IL12RB2: variants seen among roughly 807,000 people sequenced by gnomAD.
IL12RB2 encodes the protein interleukin 12 receptor subunit beta 2.
A neutral mutation model predicts 89.4 loss-of-function variants in IL12RB2; 82 were observed. That is an observed-to-expected ratio of 0.92 (90% CI 0.77 to 1.10). The LOEUF (loss-of-function observed/expected upper bound fraction) is 1.10. Among genes scored for constraint, IL12RB2 ranks in the 50% least tolerant of loss-of-function variants. The probability of loss-of-function intolerance (pLI) is 0.00; values close to 1 mark genes in which losing one functional copy is unlikely to be tolerated. For synonymous variants in IL12RB2, 368 were observed against 370.1 expected (o/e 0.99, Z 0.07); for missense variants, 963 against 1,031.9 (o/e 0.93, Z 0.92).
intron 14 of IL12RB2, among the ~76,000 whole-genome samples, chr1:67,380,480 C>G (rs1664457868): frequency 6.6e-6 from 1 of 152,222 alleles, no homozygotes; most frequent in Non-Finnish European, 1.5e-5. Flanking sequence ...TGGCGGCCAG[C>G]ACACAGTACT....
At chr1:67,346,498 C>T (rs538795784) in intron 9 of IL12RB2, among the ~76,000 whole-genome samples, 3 of 151,052 alleles carry the variant, frequency 2.0e-5, no homozygotes, top group East Asian at 2.0e-4. Context: ...GCAATTCTCC[C>T]ACCTCAGCCT....
At chr1:67,336,670 G>A (rs1297468634) in intron 8 of IL12RB2, among the ~76,000 whole-genome samples, 1 of 152,210 alleles carries the variant, frequency 6.6e-6, no homozygotes, top group Non-Finnish European at 1.5e-5. Flanking sequence ...GGAGAGGATA[G>A]AACAAAAAGA....
chr1:67,359,325 A>T (rs1661726176), intron 10 of IL12RB2, among the ~76,000 whole-genome samples: 1 of 152,236 alleles, frequency 6.6e-6, no homozygotes, highest in Non-Finnish European at 1.5e-5. Flanking sequence ...CTTTGGTATT[A>T]AAATCAGATA....
chr1:67,341,004 A>G (rs897162735), intron 9 of IL12RB2, among the ~76,000 whole-genome samples: 6 of 152,210 alleles, frequency 3.9e-5, no homozygotes, highest in African/African-American at 1.4e-4. Flanking sequence ...TAGTCTGCCC[A>G]TGCCATGGTT....
intron 1 of IL12RB2, among the ~76,000 whole-genome samples, chr1:67,312,209 C>T (rs1655158583): frequency 6.6e-6 from 1 of 152,186 alleles, no homozygotes; most frequent in South Asian, 2.1e-4. Flanking sequence ...TCCAGCACAT[C>T]ATCCTTCCCA....
At chr1:67,326,683 G>T (rs1274503650) in intron 4 of IL12RB2, 52 bp from the exon 5 acceptor site, 5 of 1,597,080 alleles carry the variant, frequency 3.1e-6, no homozygotes, top group Admixed American at 1.7e-5. Flanking sequence ...ATAACAATTC[G>T]GTTGAAATAT....
chr1:67,344,206 C>T (rs1404530809), intron 9 of IL12RB2, among the ~76,000 whole-genome samples: 1 of 152,142 alleles, frequency 6.6e-6, no homozygotes, highest in Non-Finnish European at 1.5e-5. Context: ...TATAAGCAAG[C>T]CACAAATGGG....
At chr1:67,333,535 G>A (rs1269236347) in intron 8 of IL12RB2, among the ~76,000 whole-genome samples, 1 of 152,054 alleles carries the variant, frequency 6.6e-6, no homozygotes, top group Non-Finnish European at 1.5e-5. Context: ...CATTTGAACA[G>A]TGGGTTAGGG....
rs946710452 is a variant in IL12RB2 at position 67,367,925 on chromosome 1, G to A, written c.1359G>A (p.Glu453=). Residue 453 remains glutamate (E), a synonymous_variant, in exon 11 of 17, where the codon GAG becomes GAA. Coordinates refer to ENST00000674203, the MANE Select transcript of IL12RB2 (RefSeq NM_001374259.2). ...PPRKDPSAVQ[E]YVVEWRELHP... Reference sequence around the variant, plus strand: ...GGAAAGATCCCTCTGCTGTTCAGGAGTACGTGGTGGAATGGAGAGAGCTCC... The same window carrying A: ...GGAAAGATCCCTCTGCTGTTCAGGAATACGTGGTGGAATGGAGAGAGCTCC... 1.2e-6 allele frequency: 2 copies of A among 1,607,384 alleles called. No individual in the cohort carries two copies. The highest frequency in any genetic ancestry group is 1.7e-6 in the Non-Finnish European group (2 of 1,173,826).
intron 2 of IL12RB2, among the ~76,000 whole-genome samples, chr1:67,318,657 T>C (rs1324828769): frequency 2.0e-5 from 3 of 152,076 alleles, no homozygotes; most frequent in Non-Finnish European, 4.4e-5. Context: ...TTCGCTGAGA[T>C]AGAAAAGGCT....
At chr1:67,320,579 G>A in intron 3 of IL12RB2, 135 bp downstream of exon 3, 1 of 1,443,524 alleles carries the variant, frequency 6.9e-7, no homozygotes, top group Non-Finnish European at 9.4e-7. Context: ...AAGTGGATAA[G>A]TCTGGTTCTG....
chr1:67,381,872 G>A (rs1664630869), intron 14 of IL12RB2, among the ~76,000 whole-genome samples: 1 of 151,934 alleles, frequency 6.6e-6, no homozygotes, highest in African/African-American at 2.4e-5. Context: ...TGTAATCCCA[G>A]CTACTTGGGA....
chr1:67,365,318 G>A (rs930584262), intron 10 of IL12RB2, among the ~76,000 whole-genome samples: 1 of 151,210 alleles, frequency 6.6e-6, no homozygotes, highest in African/African-American at 2.4e-5. Flanking sequence ...ATTCAAAACT[G>A]GAATAAAGAG....
intron 10 of IL12RB2, among the ~76,000 whole-genome samples, chr1:67,362,235 T>C (rs7551150): frequency 0.66 from 99,226 of 150,520 alleles, 33,118 homozygotes; most frequent in South Asian, 0.73. Flanking sequence ...CACGCCACTG[T>C]ACTCCAGCCT....
rs192064050 is a variant in IL12RB2, at chr1:67,392,299, T to C, written c.2046+2171T>C. On this transcript the variant is annotated intron_variant, in intron 16 of 16. Coordinates refer to ENST00000674203, the MANE Select transcript of IL12RB2 (RefSeq NM_001374259.2). ...ATGTAAAGGTGCACCAGGATGCAAA[T>C]TAAACTTTTTGGGTACATCCATACA... is the stretch of plus-strand genomic sequence containing the variant. Among the ~76,000 whole-genome samples, 204 of 152,184 alleles carry C rather than the reference T, an allele frequency of 1.3e-3. 1 individual carries two copies. In the South Asian group the frequency reaches 0.021, roughly 16 times the overall value.
intron 10 of IL12RB2, among the ~76,000 whole-genome samples, chr1:67,355,846 A>G (rs911801299): frequency 6.6e-6 from 1 of 152,222 alleles, no homozygotes; most frequent in African/African-American, 2.4e-5. Context: ...CCCAGCAAAC[A>G]TCATGAGAGA....
At chr1:67,388,449 G>A (rs913482884) in intron 15 of IL12RB2, among the ~76,000 whole-genome samples, 2 of 152,054 alleles carry the variant, frequency 1.3e-5, no homozygotes, top group Non-Finnish European at 2.9e-5. Context: ...GGGTTCAATC[G>A]ATTCTCCTGC....
chr1:67,331,813 TG>T, intron 8 of IL12RB2, among the ~76,000 whole-genome samples: 1 of 152,076 alleles, frequency 6.6e-6, no homozygotes, highest in African/African-American at 2.4e-5. Context: ...CAATCCAGCC[TG>T]GGCAACAGAT....
chr1:67,386,872 T>TTATATATATA (rs1179774666), intron 15 of IL12RB2, among the ~76,000 whole-genome samples: 478 of 47,710 alleles, frequency 0.01, 5 homozygotes, highest in Non-Finnish European at 0.014. Flanking sequence ...GAAATGTATT[T>TTATATATATA]TATATATATA....
Sources: allele counts gnomAD v4.1 joint callset (sites outside exome capture counted in the v4.1 genomes callset), GRCh38; gene constraint gnomAD v4.1.1; transcripts MANE v1.5; gene names NCBI Gene and HGNC (gene_info 2026-07-23, HGNC 2026-07-21).